Variants in CCDC160 observed in about 807,000 individuals in gnomAD.
CCDC160 encodes the protein coiled-coil domain-containing protein 160.
For synonymous variants in CCDC160, 94 were observed against 79.4 expected, an observed-to-expected ratio of 1.18 and a Z score of -0.98; for missense variants, 227 against 215.6, an observed-to-expected ratio of 1.05 and a Z score of -0.33.
At chrX:134,241,357 T>C (rs771483281) in intron 1 of CCDC160, among the ~76,000 whole-genome samples, 4 of 111,741 alleles carry the variant, frequency 3.6e-5, no homozygotes, top group African/African-American at 1.3e-4. Context: ...TCAAATTCTT[T>C]AGGTGAATAC....
At chrX:134,242,980 T>C (rs2077032033) in intron 1 of CCDC160, among the ~76,000 whole-genome samples, 1 of 111,802 alleles carries the variant, frequency 8.9e-6, no homozygotes, top group African/African-American at 3.2e-5. Context: ...GTTCCTTTCC[T>C]CTATGATTGC....
exon 2 of CCDC160, chrX:134,245,188 A>G: frequency 8.4e-7 from 1 of 1,197,459 alleles, no homozygotes; most frequent in African/African-American, 1.7e-5. Context: ...AGCTCTACTA[A>G]GACAAGACAT....
At chrX:134,237,941 G>C (rs921647162) in intron 1 of CCDC160, among the ~76,000 whole-genome samples, 1 of 111,865 alleles carries the variant, frequency 8.9e-6, no homozygotes, top group African/African-American at 3.2e-5. Context: ...CCAAGCAATA[G>C]AGAAGACAAT....
chrX:134,237,569 G>C (rs1280679204), intron 1 of CCDC160, among the ~76,000 whole-genome samples: 1 of 111,734 alleles, frequency 8.9e-6, no homozygotes, highest in Non-Finnish European at 1.9e-5. Flanking sequence ...AGTGGGGTCA[G>C]GCCTCTCCCG....
intron 1 of CCDC160, 46 bp downstream of exon 2, chrX:134,238,886 G>A (rs185944042): frequency 9.0e-6 from 1 of 111,238 alleles, no homozygotes; most frequent in South Asian, 3.9e-4. Flanking sequence ...GTGTTTAGAA[G>A]CACAGAGCCT....
At chrX:134,245,568 T>C (rs1411711480) in exon 2 of CCDC160, 2 of 1,203,396 alleles carry the variant, frequency 1.7e-6, no homozygotes, top group Non-Finnish European at 2.2e-6. Context: ...AGGTTGGAAA[T>C]GTGCTCCTAA....
chrX:134,240,414 G>T (rs2077023406), intron 1 of CCDC160, among the ~76,000 whole-genome samples: 1 of 111,559 alleles, frequency 9.0e-6, no homozygotes, highest in Non-Finnish European at 1.9e-5. Flanking sequence ...CATGCCCCTT[G>T]TTGAGAGCTA....
At chrX:134,246,448 G>A (rs1323238558), downstream of CCDC160, among the ~76,000 whole-genome samples, 1 of 111,807 alleles carries the variant, frequency 8.9e-6, no homozygotes, top group Non-Finnish European at 1.9e-5. Flanking sequence ...CCCTGCTCTT[G>A]CCAGCAGTGG....
In CCDC160 at chrX:134,241,089, G is replaced by A. The variant is rs188259826; in HGVS notation, c.-24-3688G>A. ...AAACAAATAATTAAATTTCACATCCGCTTTAATATGATTATACTCTCTGGG... is the reference window on the plus strand; with the variant it reads ...AAACAAATAATTAAATTTCACATCCACTTTAATATGATTATACTCTCTGGG... On this transcript the variant is annotated intron_variant, in intron 1 of 1. Transcript: ENST00000370809. Among the ~76,000 whole-genome samples the A allele has an allele frequency of 1.1e-4, 12 of 111,022 alleles. No homozygotes were observed. In the East Asian group the frequency reaches 1.7e-3, roughly 16 times the overall value.
chrX:134,245,390 C>T lies in CCDC160; in HGVS notation c.590C>T (p.Ser197Leu). The change falls in exon 2 of 2, where the codon TCA (serine) becomes TTA (leucine). Residue 197 changes from serine (S) to leucine (L), a missense_variant. By Grantham distance (145) the Ser-to-Leu change is moderately radical. Transcript: ENST00000370809. Reference sequence around the variant, plus strand: ...TTTCAAGAAACAGAGACGGATGCTTCAAAAAGTGACTATGAACTTCAAGCT... The same window carrying T: ...TTTCAAGAAACAGAGACGGATGCTTTAAAAAGTGACTATGAACTTCAAGCT... The T allele has an allele frequency of 2.5e-6, 3 of 1,188,214 alleles. No individual in the cohort carries two copies. Among genetic ancestry groups the T allele is most frequent in the Non-Finnish European group, 3.4e-6 (3 of 885,586 alleles).
At chrX:134,243,264 A>G in intron 1 of CCDC160, 1 of 536,437 alleles carries the variant, frequency 1.9e-6, no homozygotes, top group Non-Finnish European at 2.3e-6. Context: ...TAGTACCTTC[A>G]CTGAACTCTC....
intron 1 of CCDC160, among the ~76,000 whole-genome samples, chrX:134,239,263 A>G (rs953048252): frequency 6.2e-5 from 7 of 112,111 alleles, no homozygotes; most frequent in African/African-American, 3.2e-5. Context: ...GAAATGCCAC[A>G]GAAGCACAGG....
chrX:134,243,341 G>A, intron 1 of CCDC160: 1 of 751,543 alleles, frequency 1.3e-6, no homozygotes. Flanking sequence ...TGCCAGTAGG[G>A]ATGTACTCTT....
chrX:134,245,657 G>A, exon 2 of CCDC160: 1 of 1,208,773 alleles, frequency 8.3e-7, no homozygotes, highest in Non-Finnish European at 1.1e-6. Context: ...AATGAACTGA[G>A]AACTGAGAAG....
At chrX:134,242,313 A>G (rs1285777363) in intron 1 of CCDC160, among the ~76,000 whole-genome samples, 1 of 111,441 alleles carries the variant, frequency 9.0e-6, no homozygotes, top group Non-Finnish European at 1.9e-5. Context: ...TTTTCTTTCA[A>G]TATGGGGAAT....
At position 134,245,385 on chromosome X, in the gene CCDC160, T is replaced by C. The variant is rs373884576; in HGVS notation, c.585T>C (p.Asp195=). 8.4e-6 allele frequency: 10 copies of C among 1,189,558 alleles called. No homozygotes were observed. In the African/African-American group the frequency reaches 1.8e-4, roughly 21 times the overall value. ...TAAATTTTCAAGAAACAGAGACGGATGCTTCAAAAAGTGACTATGAACTTC... is the reference window on the plus strand; with the variant it reads ...TAAATTTTCAAGAAACAGAGACGGACGCTTCAAAAAGTGACTATGAACTTC... Residue 195 remains aspartate, a synonymous_variant, in exon 2 of 2, where the codon GAT becomes GAC. Coordinates refer to ENST00000370809, the Ensembl canonical transcript of CCDC160.
chrX:134,242,856 T>A (rs1297410080), intron 1 of CCDC160, among the ~76,000 whole-genome samples: 3 of 111,115 alleles, frequency 2.7e-5, no homozygotes, highest in African/African-American at 9.8e-5. Flanking sequence ...GTAATCTCTC[T>A]GCCATTGCTA....
Position 134,245,381 on chromosome X carries a change from C to T in CCDC160, c.581C>T (p.Thr194Met), listed in dbSNP as rs796949346. Residue 194 changes from threonine (T) to methionine (M), a missense_variant, in exon 2 of 2, where the codon ACG becomes ATG. Coordinates refer to ENST00000370809, the Ensembl canonical transcript of CCDC160. ...CCCCTAAATTTTCAAGAAACAGAGA[C>T]GGATGCTTCAAAAAGTGACTATGAA... is the stretch of plus-strand genomic sequence containing the variant. The T allele has an allele frequency of 1.3e-5, 16 of 1,188,680 alleles. No individual in the cohort carries two copies. Among genetic ancestry groups the T allele is most frequent in the Middle Eastern group, 2.3e-4 (1 of 4,318 alleles).
At chrX:134,240,181 A>G (rs774875241) in intron 1 of CCDC160, among the ~76,000 whole-genome samples, 1 of 112,296 alleles carries the variant, frequency 8.9e-6, no homozygotes, top group South Asian at 3.7e-4. Flanking sequence ...AAAGAGAGAA[A>G]AAAAAGGTTG....
Sources: gnomAD v4.1 joint callset for allele counts (sites outside exome capture counted in the v4.1 genomes callset) on GRCh38, gnomAD v4.1.1 for gene constraint, MANE v1.5 for transcripts, NCBI Gene and HGNC (gene_info 2026-07-23, HGNC 2026-07-21) for gene names.